The following LRP6 variants were observed in gnomAD, a reference collection of about 807,000 sequenced individuals.
LRP6 encodes low-density lipoprotein receptor-related protein 6.
In LRP6, 43 loss-of-function variants were observed where a neutral mutation model predicts 184.1. That is an observed-to-expected ratio of 0.23 (90% CI 0.18 to 0.30). The LOEUF (loss-of-function observed/expected upper bound fraction) is 0.30, where lower values mean the gene tolerates loss of function less well. LRP6 is among the 10% of genes least tolerant of loss of function. LRP6 has a pLI of 1.00. For missense variants in LRP6, 1,571 were observed against 2,005.3 expected (o/e 0.78, Z 4.14); for synonymous variants, 719 against 684.9 (o/e 1.05, Z -0.78).
chr12:12,125,354 T>G lies in LRP6; in HGVS notation c.4391A>C (p.His1464Pro). The G allele has an allele frequency of 1.9e-6, 3 of 1,614,070 alleles. No individual in the cohort carries two copies. Among genetic ancestry groups the G allele is most frequent in the Non-Finnish European group, 2.5e-6 (3 of 1,179,984 alleles). ...ACTACTTGATGATGCTCCTGTAACA[T>G]GGGCTCGGTCATAGGGGGGTCCACT... ...GSSGPPYDRAHVTGASSSSSS... is the reference protein window; with the variant it reads ...GSSGPPYDRAPVTGASSSSSS... The change falls in exon 21 of 23, where the codon CAT (histidine) becomes CCT (proline). Residue 1464 changes from histidine (H) to proline (P), a missense_variant. His to Pro is a moderately conservative substitution (Grantham distance 77). Transcript: ENST00000261349.
At chr12:12,249,466 T>C (rs1865268423) in intron 1 of LRP6, 3 of 689,442 alleles carry the variant, frequency 4.4e-6, no homozygotes. Context: ...GTTACAGCAA[T>C]TAATCGAAAA....
intron 3 of LRP6, among the ~76,000 whole-genome samples, chr12:12,195,814 T>G (rs1024512017): frequency 6.6e-6 from 1 of 152,156 alleles, no homozygotes; most frequent in East Asian, 1.9e-4. Context: ...AGCAGTTTTA[T>G]AGTTTCAAGT....
At chr12:12,204,586 A>G (rs116844659) in intron 2 of LRP6, among the ~76,000 whole-genome samples, 2,272 of 152,264 alleles carry the variant, frequency 0.015, 35 homozygotes, top group Middle Eastern at 0.037. Context: ...AGAAGTCTAA[A>G]AGTCTCATTA....
In LRP6 at chr12:12,119,876, A is replaced by C. The variant is rs542907054; in HGVS notation, c.*1250T>G. On this transcript the variant is annotated 3_prime_UTR_variant, in exon 23 of 23. Transcript: ENST00000261349. ...AAACCGGTCTAAAGAACATGAAAAC[A>C]TCACAAACTGTTAATATAGGGAAAA... The C allele has an allele frequency of 6.6e-6, 1 of 151,222 alleles. No homozygotes were observed. The highest frequency in any genetic ancestry group is 2.4e-5 in the African/African-American group (1 of 41,230). 9.4% of individuals were successfully genotyped at this position (151,222 alleles called of 1,614,324 possible). A position where few individuals can be genotyped will look rare whatever the true frequency, so the allele number is the denominator to read the frequency against.
intron 2 of LRP6, among the ~76,000 whole-genome samples, chr12:12,228,575 C>T (rs1048265384): frequency 4.6e-5 from 7 of 152,134 alleles, no homozygotes; most frequent in Non-Finnish European, 8.8e-5. Flanking sequence ...AGGAACTGGC[C>T]GCACAGCAGG....
At chr12:12,128,805 C>T (rs557074790) in intron 19 of LRP6, among the ~76,000 whole-genome samples, 18 of 152,302 alleles carry the variant, frequency 1.2e-4, no homozygotes, top group Admixed American at 1.1e-3. Flanking sequence ...TGACTCCAGT[C>T]ACTCAGTGAG....
chr12:12,252,376 G>A (rs908895175), intron 1 of LRP6, among the ~76,000 whole-genome samples: 13 of 152,204 alleles, frequency 8.5e-5, no homozygotes, highest in African/African-American at 1.9e-4. Context: ...GTAAAAGAGA[G>A]ATGTTAAAAA....
chr12:12,158,950 C>A lies in LRP6; in HGVS notation c.2670G>T (p.Trp890Cys). 1 of 1,614,212 alleles carries A rather than the reference C, an allele frequency of 6.2e-7. No homozygotes were observed. The highest frequency in any genetic ancestry group is 8.5e-7 in the Non-Finnish European group (1 of 1,180,040). The stretch of plus-strand genomic sequence containing the variant: ...GCCCATTGCTGGAAGCACATTCATT[C>A]CACCCTGACTGTCGAGATGAGTGAA... ...LVFHSSRQSG[W>C]NECASSNGHC... Residue 890 changes from tryptophan to cysteine, a missense_variant, in exon 12 of 23, where the codon TGG (tryptophan) becomes TGT (cysteine). Transcript: ENST00000261349.
At chr12:12,254,402 G>A (rs1186480861) in intron 1 of LRP6, among the ~76,000 whole-genome samples, 1 of 152,106 alleles carries the variant, frequency 6.6e-6, no homozygotes, top group African/African-American at 2.4e-5. Flanking sequence ...AAATATTGCT[G>A]ATGCCTTAGC....
chr12:12,159,498 G>A (rs923461231), intron 11 of LRP6, among the ~76,000 whole-genome samples: 7 of 152,074 alleles, frequency 4.6e-5, no homozygotes, highest in African/African-American at 1.7e-4. Flanking sequence ...GGAAAAGATG[G>A]AAATATATAT....
intron 2 of LRP6, among the ~76,000 whole-genome samples, chr12:12,230,498 C>T (rs1190135877): frequency 6.6e-6 from 1 of 151,976 alleles, no homozygotes; most frequent in Non-Finnish European, 1.5e-5. Context: ...GACATTGAGA[C>T]TTGAGCTATA....
intron 1 of LRP6, chr12:12,249,207 A>G: frequency 2.6e-6 from 2 of 781,196 alleles, no homozygotes; most frequent in Non-Finnish European, 4.5e-6. Flanking sequence ...ATGTGGACCT[A>G]AATACCCAGA....
chr12:12,224,702 T>C (rs377572438), intron 2 of LRP6, among the ~76,000 whole-genome samples: 3 of 152,334 alleles, frequency 2.0e-5, no homozygotes, highest in African/African-American at 7.2e-5. Context: ...TGGGTTCACT[T>C]ACCCAGCTCA....
At chr12:12,163,053 G>C in intron 9 of LRP6, among the ~76,000 whole-genome samples, 1 of 152,082 alleles carries the variant, frequency 6.6e-6, no homozygotes, top group East Asian at 1.9e-4. Context: ...TCGGCTCACT[G>C]CAACTTCTGC....
Position 12,116,643 on chromosome 12 carries a change from A to C in LRP6, c.*4483T>G, listed in dbSNP as rs1333207453. 6.6e-6 allele frequency: 1 copy of C among 152,222 alleles called. No individual in the cohort carries two copies. The highest frequency in any genetic ancestry group is 2.4e-5 in the African/African-American group (1 of 41,468). 9.4% of individuals were successfully genotyped at this position (152,222 alleles called of 1,614,324 possible). ...TAATTCTCTGGTGTTGCTTCTGGGCAAACCCTAAGTGATGGTGGAGAATCT... is the reference window on the plus strand; with the variant it reads ...TAATTCTCTGGTGTTGCTTCTGGGCCAACCCTAAGTGATGGTGGAGAATCT... On this transcript the variant is annotated 3_prime_UTR_variant, in exon 23 of 23. Transcript: ENST00000261349.
At chr12:12,233,311 C>G (rs1246459581) in intron 2 of LRP6, among the ~76,000 whole-genome samples, 1 of 151,792 alleles carries the variant, frequency 6.6e-6, no homozygotes, top group Non-Finnish European at 1.5e-5. Context: ...ACTAAAAATA[C>G]AAAAAAATTA....
At chr12:12,132,085 G>A (rs772744357) in intron 17 of LRP6, 28 bp from the exon 18 acceptor site, 2 of 1,450,964 alleles carry the variant, frequency 1.4e-6, no homozygotes, top group South Asian at 1.1e-5. Context: ...GAAGGGGAGT[G>A]ACAAAAACAC....
At chr12:12,241,177 T>C (rs1865055606) in intron 2 of LRP6, among the ~76,000 whole-genome samples, 1 of 152,178 alleles carries the variant, frequency 6.6e-6, no homozygotes, top group South Asian at 2.1e-4. Context: ...TAAGTTGCTA[T>C]GAGAGAGCTC....
chr12:12,174,111 A>C (rs1863113467), intron 7 of LRP6, among the ~76,000 whole-genome samples: 1 of 151,714 alleles, frequency 6.6e-6, no homozygotes, highest in Non-Finnish European at 1.5e-5. Context: ...AAGTATAATC[A>C]ATCTTTCTTT....
Sources: allele counts gnomAD v4.1 joint callset (sites outside exome capture counted in the v4.1 genomes callset), GRCh38; gene constraint gnomAD v4.1.1; transcripts MANE v1.5; gene names NCBI Gene and HGNC (gene_info 2026-07-23, HGNC 2026-07-21).